Variants in PATL1 observed in about 807,000 individuals in gnomAD.
The protein encoded by PATL1 is PAT1 homolog 1, processing body mRNA decay factor, also known as protein PAT1 homolog 1.
Under a neutral mutation model 100.6 loss-of-function variants are expected in PATL1, and 32 were observed. The ratio of observed to expected loss-of-function variants is 0.32; its 90% confidence interval spans 0.24 to 0.43. The LOEUF (loss-of-function observed/expected upper bound fraction) is 0.43, where lower values mean the gene tolerates loss of function less well. Ranked by LOEUF, PATL1 falls within the 20% of genes least tolerant of loss-of-function variation. The pLI is 1.00. For synonymous variants in PATL1, 332 were observed against 330.0 expected (o/e 1.01, Z -0.07); for missense variants, 747 against 949.9 (o/e 0.79, Z 2.81).
chr11:59,639,447 A>C, intron 16 of PATL1, 64 bp from the exon 17 acceptor site: 1 of 1,264,994 alleles, frequency 7.9e-7, no homozygotes. Flanking sequence ...ACCACTGTTG[A>C]AGGGATCCTG....
In PATL1 at chr11:59,656,590, G is replaced by A. The variant is rs775508380; in HGVS notation, c.632C>T (p.Pro211Leu). The change falls in exon 6 of 19, where the codon CCG becomes CTG. Residue 211 changes from proline (P) to leucine (L), a missense_variant. Physicochemically the swap from Pro to Leu is moderately conservative, Grantham distance 98. Coordinates refer to ENST00000300146, the MANE Select transcript of PATL1 (RefSeq NM_152716.3). Reference protein sequence around the residue: ...VPSFTQQILCPKPVHVRPPMP... With the variant: ...VPSFTQQILCLKPVHVRPPMP... ...TGGGGGCCGAACATGGACAGGCTTC[G>A]GACACAGAATCTATCAGGACAAACA... 3.7e-6 allele frequency: 6 copies of A among 1,613,652 alleles called. No homozygotes were observed. Among genetic ancestry groups the A allele is most frequent in the Admixed American group, 1.7e-5 (1 of 60,002 alleles).
chr11:59,655,287 G>A (rs936353070), intron 8 of PATL1, among the ~76,000 whole-genome samples: 1 of 152,108 alleles, frequency 6.6e-6, no homozygotes, highest in Non-Finnish European at 1.5e-5. Flanking sequence ...CTAGTGTGAC[G>A]ATTAGCTGAC....
chr11:59,644,387 A>T (rs971314025), intron 15 of PATL1, among the ~76,000 whole-genome samples: 3 of 152,116 alleles, frequency 2.0e-5, no homozygotes, highest in Non-Finnish European at 4.4e-5. Flanking sequence ...TCAAATTCAA[A>T]TTCCCTCAAA....
chr11:59,647,855 C>A lies in PATL1; in HGVS notation c.1792G>T (p.Ala598Ser). Residue 598 changes from alanine to serine, a missense_variant, in exon 15 of 19, where the codon GCC becomes TCC. By Grantham distance (99) the Ala-to-Ser change is moderately conservative. Transcript: ENST00000300146. ...MCIRKGKRMV[A>S]RILPFLSTEQ... ...GTGGAGAGGAAAGGAAGAATACGGGCAACCATTCTCTTCCCTTTTCGGATA... is the reference window on the plus strand; with the variant it reads ...GTGGAGAGGAAAGGAAGAATACGGGAAACCATTCTCTTCCCTTTTCGGATA... 3 of 1,613,886 alleles carry A rather than the reference C, an allele frequency of 1.9e-6. No homozygotes were observed. Among genetic ancestry groups the A allele is most frequent in the Non-Finnish European group, 1.7e-6 (2 of 1,179,814 alleles).
intron 16 of PATL1, chr11:59,639,597 G>A (rs995790856): frequency 4.1e-6 from 2 of 482,904 alleles, no homozygotes; most frequent in Admixed American, 3.7e-5. Flanking sequence ...GTGACCAGGC[G>A]CAGCCAACAG....
intron 4 of PATL1, among the ~76,000 whole-genome samples, chr11:59,658,145 C>T (rs1399863905): frequency 6.7e-6 from 1 of 149,246 alleles, no homozygotes; most frequent in African/African-American, 2.5e-5. Context: ...GCCTGGTTGA[C>T]ACAGCAAGAC....
Position 59,639,380 on chromosome 11 carries a change from C to G in PATL1, c.2053G>C (p.Gly685Arg). Residue 685 changes from glycine (G) to arginine (R), a missense_variant, in exon 17 of 19, where the codon GGC (glycine) becomes CGC (arginine). Gly to Arg is a moderately radical substitution (Grantham distance 125). Transcript: ENST00000300146. ...AGGAGGATGAGGAGCAGTGACAGGC[C>G]AAACTACGAGAAAAGACAGAGGGAA... ...HLTAVLQNKF[G>R]LSLLLILLSR... The G allele has an allele frequency of 6.5e-7, 1 of 1,549,616 alleles. No individual in the cohort carries two copies. The highest frequency in any genetic ancestry group is 8.7e-7 in the Non-Finnish European group (1 of 1,146,710).
At position 59,658,834 on chromosome 11, in the gene PATL1, T is replaced by C. The variant is rs755634219; in HGVS notation, c.426+32A>G. On this transcript the variant is annotated intron_variant, in intron 4 of 18. Transcript: ENST00000300146. Reference sequence around the variant, plus strand: ...AGGAACTTAAAATTTTTGGATATTATAAATTTTATGTAAAGAGAAAATATT... The same window carrying C: ...AGGAACTTAAAATTTTTGGATATTACAAATTTTATGTAAAGAGAAAATATT... The C allele has an allele frequency of 3.9e-5, 59 of 1,515,162 alleles. 1 individual carries two copies. In the South Asian group the frequency reaches 6.7e-4, roughly 17 times the overall value. 93.9% of individuals were successfully genotyped at this position (1,515,162 alleles called of 1,614,324 possible). A position where few individuals can be genotyped will look rare whatever the true frequency, so the allele number is the denominator to read the frequency against.
chr11:59,661,506 A>G (rs981815892), intron 2 of PATL1, among the ~76,000 whole-genome samples: 2 of 152,138 alleles, frequency 1.3e-5, no homozygotes, highest in Non-Finnish European at 2.9e-5. Flanking sequence ...TTTCTAACCC[A>G]CAAAAAGTAT....
chr11:59,660,436 T>A (rs946717875), intron 2 of PATL1, among the ~76,000 whole-genome samples: 1 of 152,134 alleles, frequency 6.6e-6, no homozygotes, highest in Non-Finnish European at 1.5e-5. Context: ...GAAAGGCAGA[T>A]TGAAAATTTA....
chr11:59,642,812 A>G (rs554190977), intron 16 of PATL1, 68 bp downstream of exon 16: 1 of 1,479,922 alleles, frequency 6.8e-7, no homozygotes, highest in African/African-American at 1.4e-5. Flanking sequence ...TACAGCAGCC[A>G]TTATTTTAAT....
intron 8 of PATL1, among the ~76,000 whole-genome samples, chr11:59,654,431 C>T (rs987464338): frequency 6.2e-5 from 9 of 145,946 alleles, no homozygotes; most frequent in Non-Finnish European, 1.0e-4. Flanking sequence ...GAGCCGAGAT[C>T]GTGTGGGTCA....
chr11:59,668,434 G>C (rs541012062), intron 1 of PATL1, among the ~76,000 whole-genome samples: 1 of 152,284 alleles, frequency 6.6e-6, no homozygotes, highest in Admixed American at 6.5e-5. Context: ...GGTAGCCTGT[G>C]TGAATGGGAT....
chr11:59,666,754 G>T (rs1861696604), intron 2 of PATL1, 99 bp downstream of exon 2: 1 of 1,265,424 alleles, frequency 7.9e-7, no homozygotes, highest in African/African-American at 1.5e-5. Context: ...CCAAGTTAGT[G>T]AATAAGGTTA....
chr11:59,663,326 A>G (rs1359881898), intron 2 of PATL1, among the ~76,000 whole-genome samples: 1 of 152,186 alleles, frequency 6.6e-6, no homozygotes, highest in African/African-American at 2.4e-5. Flanking sequence ...AACAAAATAA[A>G]AAGGAAGAAG....
chr11:59,658,987 T>C lies in PATL1; in HGVS notation c.346-41A>G, dbSNP rs914249767. 4 of 1,496,176 alleles carry C rather than the reference T, an allele frequency of 2.7e-6. No homozygotes were observed. In the African/African-American group the frequency reaches 5.6e-5, roughly 21 times the overall value. 92.7% of individuals were successfully genotyped at this position (1,496,176 alleles called of 1,614,324 possible). ...AACATACAGAGTCTGAAATGTTGTA[T>C]ACTCTCTGGGTGACTTATCTGCTGC... On this transcript the variant is annotated intron_variant, in intron 3 of 18. Coordinates refer to ENST00000300146, the MANE Select transcript of PATL1 (RefSeq NM_152716.3).
At chr11:59,655,046 C>G (rs1382209244) in intron 8 of PATL1, among the ~76,000 whole-genome samples, 2 of 152,194 alleles carry the variant, frequency 1.3e-5, no homozygotes, top group Admixed American at 6.5e-5. Flanking sequence ...TTCTTGCCTG[C>G]TGGTCTGTCT....
At chr11:59,658,809 A>G in intron 4 of PATL1, 57 bp downstream of exon 4, 1 of 1,347,494 alleles carries the variant, frequency 7.4e-7, no homozygotes. Flanking sequence ...GGATGACGAC[A>G]GGAACTTAAA....
Position 59,658,803 on chromosome 11 carries a change from G to A in PATL1, c.426+63C>T, listed in dbSNP as rs138420158. On this transcript the variant is annotated intron_variant, in intron 4 of 18. Transcript: ENST00000300146. Reference sequence around the variant, plus strand: ...TAAACCCCTTCAGTAAGGAAAGGATGACGACAGGAACTTAAAATTTTTGGA... The same window carrying A: ...TAAACCCCTTCAGTAAGGAAAGGATAACGACAGGAACTTAAAATTTTTGGA... 424 of 1,278,034 alleles carry A rather than the reference G, an allele frequency of 3.3e-4. 2 individuals are homozygous for A. In the East Asian group the frequency reaches 0.01, roughly 31 times the overall value. 79.2% of individuals were successfully genotyped at this position (1,278,034 alleles called of 1,614,324 possible).
Sources: gnomAD v4.1 joint callset for allele counts (sites outside exome capture counted in the v4.1 genomes callset) on GRCh38, gnomAD v4.1.1 for gene constraint, MANE v1.5 for transcripts, NCBI Gene and HGNC (gene_info 2026-07-23, HGNC 2026-07-21) for gene names.